KCNQ5: variants seen among roughly 807,000 people sequenced by gnomAD.
KCNQ5 encodes the protein potassium voltage-gated channel subfamily KQT member 5.
A neutral mutation model predicts 98.2 loss-of-function variants in KCNQ5; 30 were observed. The observed-to-expected ratio is 0.31, with a 90% CI of 0.23 to 0.41. The LOEUF (loss-of-function observed/expected upper bound fraction) is 0.41. Among genes scored for constraint, KCNQ5 ranks in the 10% least tolerant of loss-of-function variants. The probability of loss-of-function intolerance (pLI) is 1.00; values close to 1 mark genes in which losing one functional copy is unlikely to be tolerated. For missense variants in KCNQ5, 835 were observed against 1,182.5 expected, an observed-to-expected ratio of 0.71 and a Z score of 4.31; for synonymous variants, 458 against 449.4, an observed-to-expected ratio of 1.02 and a Z score of -0.24.
intron 11 of KCNQ5, among the ~76,000 whole-genome samples, chr6:73,186,859 G>A (rs1244631913): frequency 6.6e-5 from 10 of 151,914 alleles, no homozygotes; most frequent in Admixed American, 6.6e-4. Context: ...TGTTACATAG[G>A]TATACATGTG....
intron 1 of KCNQ5, among the ~76,000 whole-genome samples, chr6:72,759,589 C>T (rs1392647503): frequency 6.6e-6 from 1 of 151,948 alleles, no homozygotes. Context: ...AGTAGATGAC[C>T]ATGCCTCCCA....
intron 1 of KCNQ5, among the ~76,000 whole-genome samples, chr6:72,908,756 A>G (rs1208243597): frequency 6.6e-6 from 1 of 152,186 alleles, no homozygotes; most frequent in African/African-American, 2.4e-5. Context: ...TTCGTGCTGT[A>G]GAAGCAAAGT....
rs148345348 is a variant in KCNQ5, at chr6:72,850,396, G to A, written c.399-153512G>A. 1.6e-4 allele frequency among the ~76,000 whole-genome samples: 24 copies of A among 152,232 alleles called. 1 individual carries two copies. In the East Asian group the frequency reaches 4.6e-3, roughly 29 times the overall value. ...CTATGTAAAAGAGAGGCAGAGCTAT[G>A]GCTTTTTAGCTCTTGCTCTAAGATT... On this transcript the variant is annotated intron_variant, in intron 1 of 13. Transcript: ENST00000370398.
chr6:72,982,343 T>C (rs1026942985), intron 1 of KCNQ5, among the ~76,000 whole-genome samples: 3 of 152,162 alleles, frequency 2.0e-5, no homozygotes, highest in Non-Finnish European at 4.4e-5. Context: ...TGCTCCTGTA[T>C]TGGGTACATA....
chr6:72,986,774 G>C, intron 1 of KCNQ5: 1 of 1,474,428 alleles, frequency 6.8e-7, no homozygotes, highest in Middle Eastern at 1.7e-4. Context: ...ACAGGGTGAA[G>C]AGGAAACCAG....
chr6:72,629,665 AAAT>A (rs2098919756), intron 1 of KCNQ5, among the ~76,000 whole-genome samples: 1 of 152,196 alleles, frequency 6.6e-6, no homozygotes, highest in Non-Finnish European at 1.5e-5. Flanking sequence ...TGGCAGATGA[AAAT>A]GCCAGCAGAG....
chr6:73,166,068 A>G (rs1321517806), intron 10 of KCNQ5, among the ~76,000 whole-genome samples: 1 of 152,186 alleles, frequency 6.6e-6, no homozygotes, highest in African/African-American at 2.4e-5. Context: ...TTTATTCTCC[A>G]GGTGTCGCTC....
intron 3 of KCNQ5, among the ~76,000 whole-genome samples, chr6:73,073,898 G>A (rs566222931): frequency 6.6e-6 from 1 of 152,186 alleles, no homozygotes; most frequent in East Asian, 1.9e-4. Flanking sequence ...TTAAATAATA[G>A]GGAGATTTTA....
At chr6:72,660,006 C>T (rs758162007) in intron 1 of KCNQ5, among the ~76,000 whole-genome samples, 3 of 152,276 alleles carry the variant, frequency 2.0e-5, no homozygotes, top group Non-Finnish European at 2.9e-5. Flanking sequence ...TACTTCCGTT[C>T]TTGTCCCTTG....
intron 3 of KCNQ5, among the ~76,000 whole-genome samples, chr6:73,051,980 T>A (rs1235367367): frequency 6.6e-6 from 1 of 152,104 alleles, no homozygotes; most frequent in Non-Finnish European, 1.5e-5. Flanking sequence ...ATCCAGGGAT[T>A]CTAAGGATTA....
intron 1 of KCNQ5, among the ~76,000 whole-genome samples, chr6:72,843,160 T>C (rs1437943373): frequency 6.6e-6 from 1 of 152,222 alleles, no homozygotes; most frequent in Non-Finnish European, 1.5e-5. Context: ...AATTTTTGTA[T>C]AAGGTTTAAG....
chr6:72,653,421 A>G (rs1042649607), intron 1 of KCNQ5, among the ~76,000 whole-genome samples: 1 of 152,080 alleles, frequency 6.6e-6, no homozygotes, highest in Non-Finnish European at 1.5e-5. Flanking sequence ...TTTCAGTATT[A>G]TTCAGAGAGA....
intron 1 of KCNQ5, among the ~76,000 whole-genome samples, chr6:72,804,773 C>T (rs930750439): frequency 6.6e-6 from 1 of 152,078 alleles, no homozygotes; most frequent in Non-Finnish European, 1.5e-5. Context: ...ATTTGTATTC[C>T]CACTAACAGT....
chr6:72,900,356 A>G (rs1452803518), intron 1 of KCNQ5, among the ~76,000 whole-genome samples: 1 of 148,610 alleles, frequency 6.7e-6, no homozygotes, highest in Non-Finnish European at 1.5e-5. Context: ...TCCTATATAT[A>G]TAAAGAAACT....
In KCNQ5 at chr6:73,063,664, AGATGATAGATAGATAGATAGAT is replaced by A. The variant is rs1345169126; in HGVS notation, c.617-13654_617-13633del. 5.5e-3 allele frequency among the ~76,000 whole-genome samples: 318 copies of A among 57,422 alleles called. 1 individual carries two copies. Among genetic ancestry groups the A allele is most frequent in the Non-Finnish European group, 9.7e-3 (203 of 20,830 alleles). 37.7% of individuals were successfully genotyped at this position (57,422 alleles called of 152,430 possible). On this transcript the variant is annotated intron_variant, in intron 3 of 13. Coordinates refer to ENST00000370398, the MANE Select transcript of KCNQ5 (RefSeq NM_019842.4). Reference sequence around the variant, plus strand: ...AAATACAGATAGATGATAGATAGATAGATGATAGATAGATAGATAGATGATAGATAGATAGATAGATAGATAG... The same window carrying A: ...AAATACAGATAGATGATAGATAGATAGATAGATAGATAGATAGATAGATAG...
intron 1 of KCNQ5, among the ~76,000 whole-genome samples, chr6:72,760,353 C>A (rs1418009720): frequency 6.9e-5 from 8 of 115,456 alleles, no homozygotes; most frequent in African/African-American, 2.1e-4. Flanking sequence ...CTTGTCAGCA[C>A]CTGAACAATG....
intron 1 of KCNQ5, among the ~76,000 whole-genome samples, chr6:72,782,635 C>T (rs950943129): frequency 6.6e-5 from 10 of 152,144 alleles, no homozygotes; most frequent in African/African-American, 2.2e-4. Context: ...GTTTCCTGCT[C>T]AGAAAGTCCC....
At chr6:72,809,921 T>C (rs1470866815) in intron 1 of KCNQ5, among the ~76,000 whole-genome samples, 1 of 152,204 alleles carries the variant, frequency 6.6e-6, no homozygotes, top group Non-Finnish European at 1.5e-5. Context: ...CAGGGAGCAG[T>C]TGCCAATAAG....
intron 1 of KCNQ5, among the ~76,000 whole-genome samples, chr6:72,857,685 C>T (rs1227430194): frequency 6.6e-6 from 1 of 152,088 alleles, no homozygotes; most frequent in Non-Finnish European, 1.5e-5. Flanking sequence ...GCTTTGTTGA[C>T]CCAGTATGTT....
Sources: gnomAD v4.1 joint callset for allele counts (sites outside exome capture counted in the v4.1 genomes callset) on GRCh38, gnomAD v4.1.1 for gene constraint, MANE v1.5 for transcripts, NCBI Gene and HGNC (gene_info 2026-07-23, HGNC 2026-07-21) for gene names.